Variants in CDH23 observed in about 807,000 individuals in gnomAD.
CDH23 encodes the protein cadherin related 23.
Under a neutral mutation model 317.1 loss-of-function variants are expected in CDH23, and 189 were observed. The observed-to-expected ratio is 0.60, with a 90% CI of 0.53 to 0.67. The LOEUF is 0.67. Among genes scored for constraint, CDH23 ranks in the 30% least tolerant of loss-of-function variants. The pLI is 0.00. For missense variants in CDH23, 4,401 were observed against 4,592.4 expected (o/e 0.96, Z 1.20); for synonymous variants, 1,839 against 1,876.8 (o/e 0.98, Z 0.52).
chr10:71,798,791 G>T (rs1841477382), intron 50 of CDH23, among the ~76,000 whole-genome samples: 1 of 152,156 alleles, frequency 6.6e-6, no homozygotes, highest in Admixed American at 6.5e-5. Flanking sequence ...ATGTCTGCCG[G>T]AAACCTGGGA....
At chr10:71,399,043 T>A (rs1847665727) in intron 1 of CDH23, among the ~76,000 whole-genome samples, 1 of 152,234 alleles carries the variant, frequency 6.6e-6, no homozygotes, top group African/African-American at 2.4e-5. Context: ...ATGGTCCTGG[T>A]TGCCTCTGGA....
At chr10:71,651,625 G>A (rs979124164) in intron 14 of CDH23, among the ~76,000 whole-genome samples, 11 of 151,930 alleles carry the variant, frequency 7.2e-5, no homozygotes, top group African/African-American at 2.2e-4. Context: ...CAGTGAGGAC[G>A]TGTGTGATGT....
chr10:71,472,308 T>C (rs1463326071), intron 3 of CDH23, among the ~76,000 whole-genome samples: 1 of 152,184 alleles, frequency 6.6e-6, no homozygotes, highest in Non-Finnish European at 1.5e-5. Context: ...TGGCTCCTGT[T>C]AACACCACCT....
At chr10:71,449,778 C>T (rs1405277479) in intron 3 of CDH23, among the ~76,000 whole-genome samples, 1 of 152,188 alleles carries the variant, frequency 6.6e-6, no homozygotes, top group East Asian at 1.9e-4. Context: ...GTTTTGTATG[C>T]TCTTGCCTGC....
chr10:71,639,616 C>T (rs952422593), intron 11 of CDH23, among the ~76,000 whole-genome samples: 2 of 152,218 alleles, frequency 1.3e-5, no homozygotes, highest in African/African-American at 4.8e-5. Flanking sequence ...CCTTCCTTGG[C>T]TGCTGTGTGG....
At chr10:71,673,358 G>A (rs1226693400) in intron 14 of CDH23, among the ~76,000 whole-genome samples, 1 of 152,232 alleles carries the variant, frequency 6.6e-6, no homozygotes, top group Admixed American at 6.5e-5. Context: ...CAATGACATG[G>A]CAGTCAGATC....
At chr10:71,800,041 A>T (rs1841514555) in intron 52 of CDH23, among the ~76,000 whole-genome samples, 1 of 152,248 alleles carries the variant, frequency 6.6e-6, no homozygotes, top group African/African-American at 2.4e-5. Context: ...GTGCTGGGGA[A>T]GGGAGGATGC....
At chr10:71,532,329 G>T (rs773422457) in intron 6 of CDH23, among the ~76,000 whole-genome samples, 2 of 152,240 alleles carry the variant, frequency 1.3e-5, no homozygotes, top group Non-Finnish European at 2.9e-5. Context: ...TCCTGGCTGC[G>T]TCTAAGGGAG....
intron 31 of CDH23, among the ~76,000 whole-genome samples, chr10:71,731,769 C>A (rs1193148912): frequency 2.6e-5 from 4 of 152,204 alleles, no homozygotes; most frequent in South Asian, 2.1e-4. Flanking sequence ...CAAGGCCAAG[C>A]CCCAGAGGAA....
intron 30 of CDH23, 76 bp downstream of exon 30, chr10:71,725,596 G>A (rs1343424970): frequency 6.6e-7 from 1 of 1,504,532 alleles, no homozygotes; most frequent in Non-Finnish European, 9.0e-7. Context: ...AAGGCCATTA[G>A]TTGGCGCCTG....
chr10:71,596,338 G>C (rs1486523352), intron 9 of CDH23, among the ~76,000 whole-genome samples: 1 of 152,116 alleles, frequency 6.6e-6, no homozygotes, highest in Non-Finnish European at 1.5e-5. Context: ...TAACATGTAG[G>C]GTCATGCTAG....
Position 71,566,910 on chromosome 10 carries a change from G to T in CDH23, c.598G>T (p.Ala200Ser), listed in dbSNP as rs750801207. The T allele has an allele frequency of 7.4e-6, 12 of 1,613,266 alleles. No individual in the cohort carries two copies. Among genetic ancestry groups the T allele is most frequent in the African/African-American group, 1.3e-5 (1 of 74,908 alleles). ...GGAGCTGGACTACGAGACCACACAGGCCTACCAGCTCACGGTCAACGCCAC... is the reference window on the plus strand; with the variant it reads ...GGAGCTGGACTACGAGACCACACAGTCCTACCAGCTCACGGTCAACGCCAC... ...IRELDYETTQ[A>S]YQLTVNATDQ... Residue 200 changes from alanine to serine, a missense_variant, in exon 7 of 70, where the codon GCC becomes TCC. Physicochemically the swap from Ala to Ser is moderately conservative, Grantham distance 99 (BLOSUM62 1). Around this residue, in one of 3 missense-constraint regions of CDH23, gnomAD observed 3,068 missense variants for 3,203.3 expected, o/e 0.96. Transcript: ENST00000224721.
intron 6 of CDH23, among the ~76,000 whole-genome samples, chr10:71,540,103 A>G (rs1855903822): frequency 6.6e-6 from 1 of 152,094 alleles, no homozygotes; most frequent in Non-Finnish European, 1.5e-5. Context: ...CTGCTCACTA[A>G]GGATGTGGGG....
At chr10:71,675,881 C>G (rs1035147978) in intron 15 of CDH23, among the ~76,000 whole-genome samples, 1 of 150,456 alleles carries the variant, frequency 6.6e-6, no homozygotes, top group African/African-American at 2.4e-5. Flanking sequence ...TCAGTTAATC[C>G]AAGCCAAAGG....
chr10:71,452,891 C>T (rs1850518686), intron 3 of CDH23, among the ~76,000 whole-genome samples: 1 of 152,182 alleles, frequency 6.6e-6, no homozygotes, highest in Admixed American at 6.5e-5. Flanking sequence ...GCATGATCTG[C>T]ATTTGACAGA....
Position 71,517,393 on chromosome 10 carries a change from GT to G in CDH23, c.429+6182del, listed in dbSNP as rs1854391642. ...TTGGCATGTGAGGAGCCCTGGAGTG[GT>G]GGCCAGACAGGGTCCAGAGCGTGCA... On this transcript the variant is annotated intron_variant, in intron 6 of 69. Transcript: ENST00000224721. Among the ~76,000 whole-genome samples the G allele has an allele frequency of 2.0e-5, 3 of 152,342 alleles. No individual in the cohort carries two copies. The South Asian group carries it at 6.2e-4, about 32-fold the overall frequency.
intron 3 of CDH23, among the ~76,000 whole-genome samples, chr10:71,459,609 G>C (rs1850878145): frequency 1.3e-5 from 2 of 152,142 alleles, no homozygotes; most frequent in South Asian, 4.1e-4. Flanking sequence ...TCACTCTCCA[G>C]GAGGAAGAGG....
At chr10:71,725,602 G>A (rs561625497) in intron 30 of CDH23, 82 bp downstream of exon 30, 36 of 1,474,116 alleles carry the variant, frequency 2.4e-5, no homozygotes, top group African/African-American at 1.3e-4. Context: ...ATTAGTTGGC[G>A]CCTGGTGTGG....
At chr10:71,801,150 CTTTTTT>C (rs386371783) in intron 53 of CDH23, among the ~76,000 whole-genome samples, 1 of 73,958 alleles carries the variant, frequency 1.4e-5, no homozygotes, top group African/African-American at 5.9e-5. Context: ...CTCTCTCTCT[CTTTTTT>C]TTTTTTTTTT....
Sources: allele counts gnomAD v4.1 joint callset (sites outside exome capture counted in the v4.1 genomes callset), GRCh38; gene constraint gnomAD v4.1.1; regional missense constraint gnomAD v4.1.1; transcripts MANE v1.5; gene names NCBI Gene and HGNC (gene_info 2026-07-23, HGNC 2026-07-21).